PKD1L1: variants seen among roughly 807,000 people sequenced by gnomAD.
PKD1L1 encodes the protein polycystin-1-like protein 1.
PKD1L1 carries 236 observed loss-of-function variants against 323.4 expected under a neutral mutation model. That is an observed-to-expected ratio of 0.73 (90% confidence interval 0.66 to 0.81). PKD1L1 has a LOEUF of 0.81. Ranked by LOEUF, PKD1L1 falls within the 40% of genes least tolerant of loss-of-function variation. PKD1L1 has a pLI of 0.00. For synonymous variants in PKD1L1, 1,344 were observed against 1,335.0 expected, an observed-to-expected ratio of 1.01 and a Z score of -0.15; for missense variants, 3,320 against 3,508.0, an observed-to-expected ratio of 0.95 and a Z score of 1.35.
At chr7:47,944,026 T>C (rs1788049780) in intron 1 of PKD1L1, among the ~76,000 whole-genome samples, 1 of 152,250 alleles carries the variant, frequency 6.6e-6, no homozygotes, top group African/African-American at 2.4e-5. Context: ...AGGCACTGCA[T>C]GGCATCCTCC....
chr7:47,847,097 A>G, intron 31 of PKD1L1, 26 bp from the exon 32 acceptor site: 1 of 1,539,900 alleles, frequency 6.5e-7, no homozygotes, highest in Non-Finnish European at 8.7e-7. Flanking sequence ...ATAAATAAAA[A>G]GTACAACCTG....
rs900496786 is a variant in PKD1L1 at position 47,920,261 on chromosome 7, A to G, written c.1061-4662T>C. 3.3e-5 allele frequency among the ~76,000 whole-genome samples: 5 copies of G among 150,314 alleles called. No homozygotes were observed. The East Asian group carries it at 9.8e-4, about 29-fold the overall frequency. ...AAATCAAGAACTCAACCCCTTTTAA[A>G]ACAGCTGCAAAAAAAACCAAAACAA... On this transcript the variant is annotated intron_variant, in intron 7 of 56. Transcript: ENST00000289672.
intron 52 of PKD1L1, among the ~76,000 whole-genome samples, chr7:47,808,037 G>C (rs1245661523): frequency 2.0e-5 from 3 of 152,160 alleles, no homozygotes; most frequent in Admixed American, 6.5e-5. Context: ...GCTCCACGCA[G>C]AATCCACATA....
In PKD1L1 at chr7:47,835,193, C is replaced by G; in HGVS notation, c.5994G>C (p.Leu1998=). The change falls in exon 38 of 57, where the codon CTG becomes CTC. Residue 1998 remains leucine, a synonymous_variant. Coordinates refer to ENST00000289672, the MANE Select transcript of PKD1L1 (RefSeq NM_138295.5). The stretch of plus-strand genomic sequence containing the variant: ...CCCCTGGAGAAGCCAGGAGGGTACA[C>G]AGGAGACCCACCCTGAAGGATCCAA... ...PTLGSFRVGL[L]CTLLASPGAQ... 6.3e-7 allele frequency: 1 copy of G among 1,591,822 alleles called. No individual in the cohort carries two copies. Among genetic ancestry groups the G allele is most frequent in the Non-Finnish European group, 8.5e-7 (1 of 1,174,186 alleles).
intron 15 of PKD1L1, among the ~76,000 whole-genome samples, chr7:47,893,229 CAAAAAAAAAAA>C (rs529686945): frequency 0.043 from 2,301 of 53,050 alleles, 97 homozygotes; most frequent in African/African-American, 0.12. Flanking sequence ...GACCCTATCT[CAAAAAAAAAAA>C]AAAAAAAAAA....
chr7:47,785,540 C>T (rs1405698482), intron 56 of PKD1L1, among the ~76,000 whole-genome samples: 1 of 152,130 alleles, frequency 6.6e-6, no homozygotes, highest in Non-Finnish European at 1.5e-5. Context: ...GGCTCTACTA[C>T]TGTCCTCCTT....
At chr7:47,931,375 G>GC in intron 5 of PKD1L1, 54 bp from the exon 6 acceptor site, 4 of 1,577,120 alleles carry the variant, frequency 2.5e-6, no homozygotes, top group Non-Finnish European at 3.5e-6. Context: ...TCTGGCATCA[G>GC]TAGCTGATGT....
rs971495444 is a variant in PKD1L1, at chr7:47,796,003, T to C, written c.8341A>G (p.Met2781Val). The C allele has an allele frequency of 4.3e-6, 7 of 1,613,442 alleles. No individual in the cohort carries two copies. Among genetic ancestry groups the C allele is most frequent in the Non-Finnish European group, 5.9e-6 (7 of 1,179,786 alleles). Residue 2781 changes from methionine (M) to valine (V), a missense_variant, in exon 55 of 57, where the codon ATG (methionine) becomes GTG (valine). Transcript: ENST00000289672. ...TCACAGCTTACGTGATTCTCAACCA[T>C]CTCAGCCTCTTCCAACTTTGGTGTT... ...LETPKLEEAE[M>V]VENHNYYLDE... is the part of the protein sequence containing the mutation.
intron 9 of PKD1L1, 138 bp from the exon 10 acceptor site, chr7:47,906,100 C>T (rs1218950858): frequency 6.2e-6 from 5 of 800,384 alleles, no homozygotes; most frequent in Non-Finnish European, 5.5e-6. Context: ...TAAGCATGTG[C>T]TCTGAAATCA....
chr7:47,795,860 G>C, intron 55 of PKD1L1, 129 bp downstream of exon 55: 1 of 1,100,716 alleles, frequency 9.1e-7, no homozygotes, highest in Non-Finnish European at 1.3e-6. Flanking sequence ...GACTAATTTT[G>C]TGGCTTTGCA....
At chr7:47,893,586 T>C (rs1257153671) in intron 15 of PKD1L1, among the ~76,000 whole-genome samples, 2 of 152,120 alleles carry the variant, frequency 1.3e-5, no homozygotes, top group African/African-American at 4.8e-5. Flanking sequence ...AAACCAAGCC[T>C]TCCACACACC....
At chr7:47,933,339 G>T (rs984822720) in intron 4 of PKD1L1, among the ~76,000 whole-genome samples, 1 of 151,972 alleles carries the variant, frequency 6.6e-6, no homozygotes, top group African/African-American at 2.4e-5. Context: ...TTCTGTAATT[G>T]CCCCCTTCCT....
chr7:47,839,782 C>A lies in PKD1L1; in HGVS notation c.5553-120G>T, dbSNP rs1785531937. The A allele has an allele frequency of 1.0e-6, 1 of 963,706 alleles. No individual in the cohort carries two copies. The highest frequency in any genetic ancestry group is 1.6e-5 in the African/African-American group (1 of 61,830). The allele number at this position is 963,706 out of a possible 1,614,324, so 59.7% of individuals were successfully genotyped here. ...CCCACAGAGGGTGGATGGGACATGTCAAAGGTGACTGACATGCAGAGTGAC... is the reference window on the plus strand; with the variant it reads ...CCCACAGAGGGTGGATGGGACATGTAAAAGGTGACTGACATGCAGAGTGAC... On this transcript the variant is annotated intron_variant, in intron 35 of 56. Coordinates refer to ENST00000289672, the MANE Select transcript of PKD1L1 (RefSeq NM_138295.5). This position sits in a 1 kb window ranked among gnomAD's most constrained non-coding sequence, Gnocchi z 4.3.
chr7:47,792,353 G>C (rs1288998366), intron 56 of PKD1L1, among the ~76,000 whole-genome samples: 1 of 151,720 alleles, frequency 6.6e-6, no homozygotes, highest in Non-Finnish European at 1.5e-5. Flanking sequence ...TTCCATTTCT[G>C]TTTCTCAGTC....
intron 16 of PKD1L1, 142 bp from the exon 17 acceptor site, chr7:47,888,292 G>A (rs1366120085): frequency 1.2e-6 from 1 of 826,950 alleles, no homozygotes. Context: ...CAGCACATAT[G>A]ATGGCACATA....
rs1785515890 is a variant in PKD1L1, at chr7:47,839,117, G to A, written c.5769+329C>T. ...TATTGATAGTTATCTAGGTTGTTTG[G>A]GACACACATAGGGCACTGAAAAGTC... On this transcript the variant is annotated intron_variant, in intron 36 of 56. Coordinates refer to ENST00000289672, the MANE Select transcript of PKD1L1 (RefSeq NM_138295.5). This position sits in a 1 kb window ranked among gnomAD's most constrained non-coding sequence, Gnocchi z 4.3. Among the ~76,000 whole-genome samples, 7 of 151,916 alleles carry A rather than the reference G, an allele frequency of 4.6e-5. No individual in the cohort carries two copies. The highest frequency in any genetic ancestry group is 4.6e-4 in the Admixed American group (7 of 15,254).
chr7:47,929,377 C>A lies in PKD1L1; in HGVS notation c.887G>T (p.Cys296Phe). The A allele has an allele frequency of 1.2e-6, 2 of 1,614,148 alleles. No homozygotes were observed. The highest frequency in any genetic ancestry group is 1.7e-6 in the Non-Finnish European group (2 of 1,180,028). ...SDNFMNPVLN[C>F]SLEVEARAPP... ...TGCCCGAGCTTCCACTTCCAGGGAG[C>A]AATTAAGAACAGGGTTCATGAAGTT... Residue 296 changes from cysteine (C) to phenylalanine (F), a missense_variant, in exon 7 of 57, where the codon TGC becomes TTC. By Grantham distance (205) the Cys-to-Phe change is radical (BLOSUM62 -2). Transcript: ENST00000289672.
At chr7:47,794,160 C>T (rs1486548493) in intron 55 of PKD1L1, among the ~76,000 whole-genome samples, 1 of 152,174 alleles carries the variant, frequency 6.6e-6, no homozygotes, top group Non-Finnish European at 1.5e-5. Context: ...AAGCCAGCTG[C>T]AGAAATTTGC....
At chr7:47,825,213 CT>C (rs988198889) in intron 45 of PKD1L1, among the ~76,000 whole-genome samples, 3 of 150,318 alleles carry the variant, frequency 2.0e-5, no homozygotes, top group Non-Finnish European at 4.5e-5. Flanking sequence ...TTCCAGTCCA[CT>C]TTTTTTTTGT....
Sources: gnomAD v4.1 joint callset for allele counts (sites outside exome capture counted in the v4.1 genomes callset) on GRCh38, gnomAD v4.1.1 for gene constraint, Gnocchi (gnomAD v3.1) non-coding constraint, MANE v1.5 for transcripts, NCBI Gene and HGNC (gene_info 2026-07-23, HGNC 2026-07-21) for gene names.